The following NFE2L2 variants were observed in gnomAD, a reference collection of about 807,000 sequenced individuals.
NFE2L2 encodes NFE2 like bZIP transcription factor 2.
In NFE2L2, 20 loss-of-function variants were observed where a neutral mutation model predicts 49.6. That is an observed-to-expected ratio of 0.40 (90% CI 0.28 to 0.59). NFE2L2 has a LOEUF of 0.59. Among genes scored for constraint, NFE2L2 ranks in the 20% least tolerant of loss-of-function variants. The pLI is 0.40. For missense variants in NFE2L2, 578 were observed against 714.2 expected (o/e 0.81, Z 2.17); for synonymous variants, 244 against 256.5 (o/e 0.95, Z 0.47).
chr2:177,249,138 G>A (rs751278414), intron 1 of NFE2L2, among the ~76,000 whole-genome samples: 1 of 151,958 alleles, frequency 6.6e-6, no homozygotes, highest in East Asian at 1.9e-4. Flanking sequence ...GAGGATCCTG[G>A]AGCCCAGGAG....
intron 1 of NFE2L2, chr2:177,263,304 CA>C (rs1690805918): frequency 1.1e-6 from 1 of 932,470 alleles, no homozygotes; most frequent in Middle Eastern, 5.5e-4. Flanking sequence ...GAAAAGGAAA[CA>C]TATATAAAGT....
intron 1 of NFE2L2, chr2:177,264,005 T>TG (rs1690843311): frequency 1.0e-6 from 1 of 952,432 alleles, no homozygotes; most frequent in Non-Finnish European, 1.2e-6. Context: ...AAGGAGGTCT[T>TG]GGGGCGCGGC....
At chr2:177,232,084 C>T in intron 4 of NFE2L2, 76 bp from the exon 5 acceptor site, 1 of 1,349,798 alleles carries the variant, frequency 7.4e-7, no homozygotes, top group Non-Finnish European at 1.0e-6. Flanking sequence ...AGATAAACTC[C>T]CTACCCACAT....
intron 1 of NFE2L2, among the ~76,000 whole-genome samples, chr2:177,243,976 T>C (rs1028444642): frequency 6.6e-6 from 1 of 151,270 alleles, no homozygotes; most frequent in Admixed American, 6.6e-5. Context: ...AATATTATTA[T>C]ATGTATAAAA....
intron 1 of NFE2L2, among the ~76,000 whole-genome samples, chr2:177,249,247 T>G (rs1412068299): frequency 8.6e-5 from 13 of 151,594 alleles, no homozygotes; most frequent in Non-Finnish European, 5.9e-5. Flanking sequence ...AATAAATAAA[T>G]AAGGCATTTT....
intron 1 of NFE2L2, among the ~76,000 whole-genome samples, chr2:177,249,404 GCCTTGGTC>G (rs1313865413): frequency 1.3e-5 from 2 of 152,012 alleles, no homozygotes; most frequent in African/African-American, 4.8e-5. Flanking sequence ...GTAGCCTCTG[GCCTTGGTC>G]TTATCACTTG....
At chr2:177,238,916 T>C (rs1689850091) in intron 1 of NFE2L2, among the ~76,000 whole-genome samples, 1 of 152,208 alleles carries the variant, frequency 6.6e-6, no homozygotes, top group African/African-American at 2.4e-5. Flanking sequence ...TTTGTTACTG[T>C]TGGTGGGGGT....
intron 1 of NFE2L2, among the ~76,000 whole-genome samples, chr2:177,239,653 G>T (rs1689875431): frequency 6.6e-6 from 1 of 152,024 alleles, no homozygotes; most frequent in African/African-American, 2.4e-5. Context: ...CTCCAGCCTG[G>T]GTAACAAAGT....
intron 1 of NFE2L2, among the ~76,000 whole-genome samples, chr2:177,237,482 T>A (rs1433322985): frequency 6.6e-6 from 1 of 152,266 alleles, no homozygotes; most frequent in African/African-American, 2.4e-5. Context: ...AAGGTTATCA[T>A]GGGAGACAGA....
chr2:177,236,961 C>T (rs1689772212), intron 1 of NFE2L2, among the ~76,000 whole-genome samples: 1 of 152,046 alleles, frequency 6.6e-6, no homozygotes. Flanking sequence ...TTCACCTGGG[C>T]TCAAGTGATC....
intron 1 of NFE2L2, among the ~76,000 whole-genome samples, chr2:177,245,611 T>C (rs1690095304): frequency 6.6e-6 from 1 of 151,458 alleles, no homozygotes; most frequent in Non-Finnish European, 1.5e-5. Context: ...CCAGGTATTG[T>C]AGTCTTTTTT....
chr2:177,261,646 C>T (rs577217136), intron 1 of NFE2L2, among the ~76,000 whole-genome samples: 36 of 152,262 alleles, frequency 2.4e-4, no homozygotes, highest in African/African-American at 8.4e-4. Flanking sequence ...CTGGTTTTCC[C>T]AACCTGGAAA....
Position 177,242,721 on chromosome 2 carries a change from A to C in NFE2L2, c.46-8450T>G, listed in dbSNP as rs1467769178. Among the ~76,000 whole-genome samples, 3 of 152,208 alleles carry C rather than the reference A, an allele frequency of 2.0e-5. No homozygotes were observed. In the South Asian group the frequency reaches 6.2e-4, roughly 31 times the overall value. On this transcript the variant is annotated intron_variant, in intron 1 of 4. Coordinates refer to ENST00000397062, the MANE Select transcript of NFE2L2 (RefSeq NM_006164.5). The stretch of plus-strand genomic sequence containing the variant: ...TGATGCAAAGATAAAGCAAAACTGG[A>C]AAGTGAAGAAAGCAAGAATTTGGAT...
In NFE2L2 at chr2:177,230,879, G is replaced by C; in HGVS notation, c.1724C>G (p.Pro575Arg). ...FSMLRDEDGKPYSPSEYSLQQ... is the reference protein window; with the variant it reads ...FSMLRDEDGKRYSPSEYSLQQ... ...CAGGGAGTATTCACTAGGAGAATAA[G>C]GTTTTCCATCTTCATCACGTAGCAT... is the stretch of plus-strand genomic sequence containing the variant. Residue 575 changes from proline to arginine, a missense_variant, in exon 5 of 5, where the codon CCT (proline) becomes CGT (arginine). Pro to Arg is a moderately radical substitution (Grantham distance 103). Coordinates refer to ENST00000397062, the MANE Select transcript of NFE2L2 (RefSeq NM_006164.5). The C allele has an allele frequency of 6.2e-7, 1 of 1,613,754 alleles. No homozygotes were observed. Among genetic ancestry groups the C allele is most frequent in the Non-Finnish European group, 8.5e-7 (1 of 1,179,916 alleles).
intron 1 of NFE2L2, among the ~76,000 whole-genome samples, chr2:177,241,690 C>CA (rs1281272265): frequency 6.6e-5 from 10 of 152,042 alleles, no homozygotes; most frequent in Admixed American, 2.0e-4. Flanking sequence ...CTCAACTCTA[C>CA]AAAAAAATTT....
chr2:177,238,058 A>C (rs1293347402), intron 1 of NFE2L2, among the ~76,000 whole-genome samples: 3 of 152,206 alleles, frequency 2.0e-5, no homozygotes, highest in Non-Finnish European at 4.4e-5. Flanking sequence ...ACCCATCTCA[A>C]GAAGTGATGT....
chr2:177,251,227 C>T, intron 1 of NFE2L2, among the ~76,000 whole-genome samples: 1 of 152,160 alleles, frequency 6.6e-6, no homozygotes, highest in East Asian at 1.9e-4. Flanking sequence ...GTAGTTATTA[C>T]AAAAGAAGTG....
chr2:177,233,783 T>C, intron 2 of NFE2L2: 2 of 615,520 alleles, frequency 3.2e-6, no homozygotes, highest in East Asian at 2.8e-5. Context: ...TGGTGTAACT[T>C]AAGTCTTCCC....
At chr2:177,241,609 G>A (rs1477933347) in intron 1 of NFE2L2, among the ~76,000 whole-genome samples, 1 of 152,190 alleles carries the variant, frequency 6.6e-6, no homozygotes, top group Non-Finnish European at 1.5e-5. Flanking sequence ...TGTAATCCCA[G>A]CTCTTTGGGA....
Sources: gnomAD v4.1 joint callset for allele counts (sites outside exome capture counted in the v4.1 genomes callset) on GRCh38, gnomAD v4.1.1 for gene constraint, MANE v1.5 for transcripts, NCBI Gene and HGNC (gene_info 2026-07-23, HGNC 2026-07-21) for gene names.